Variants in EYS observed in about 807,000 individuals in gnomAD.
The protein encoded by EYS is EGF-like photoreceptor maintenance factor.
Under a neutral mutation model 282.1 loss-of-function variants are expected in EYS, and 250 were observed. That is an observed-to-expected ratio of 0.89 (90% CI 0.80 to 0.98). The LOEUF (loss-of-function observed/expected upper bound fraction) is 0.98, where lower values mean the gene tolerates loss of function less well. Ranked by LOEUF, EYS falls within the 50% of genes least tolerant of loss-of-function variation. The pLI, the probability that EYS is intolerant of heterozygous loss-of-function variation, is 0.00. For synonymous variants in EYS, 1,355 were observed against 1,282.9 expected (o/e 1.06, Z -1.20); for missense variants, 4,016 against 3,709.0 (o/e 1.08, Z -2.15).
chr6:65,519,709 T>TATATATATATATATATATA lies in EYS; in HGVS notation c.-332-23717_-332-23716insTATATATATATATATATAT, dbSNP rs1554205853. ...AACTATATATATATATATATATATA[T>TATATATATATATATATATA]TTTTTTTTTTTTTTTTTTTTTTTTG... On this transcript the variant is annotated intron_variant, in intron 2 of 42. Transcript: ENST00000503581. 6.2e-4 allele frequency among the ~76,000 whole-genome samples: 21 copies of TATATATATATATATATATA among 33,928 alleles called. 1 individual carries two copies. Among genetic ancestry groups the TATATATATATATATATATA allele is most frequent in the Admixed American group, 3.3e-3 (6 of 1,814 alleles). The allele number at this position is 33,928 out of a possible 152,430, so 22.3% of individuals were successfully genotyped here.
intron 1 of EYS, among the ~76,000 whole-genome samples, chr6:65,655,792 T>G (rs923557039): frequency 6.6e-6 from 1 of 151,792 alleles, no homozygotes; most frequent in African/African-American, 2.4e-5. Context: ...AATAACATGG[T>G]TTCTTGAGAT....
rs61753610 is a variant in EYS, at chr6:65,335,034, T to C, written c.1712A>G (p.Gln571Arg). The C allele has an allele frequency of 0.16, 264,838 of 1,611,088 alleles. 22,985 individuals carry two copies. Among genetic ancestry groups the C allele is most frequent in the Non-Finnish European group, 0.17 (205,422 of 1,178,104 alleles). ...AGCTTCATGTTGACACTCATTTTCTTGATCATCAGTTGTATTTTCCAGATA... is the reference window on the plus strand; with the variant it reads ...AGCTTCATGTTGACACTCATTTTCTCGATCATCAGTTGTATTTTCCAGATA... ...NMYLENTTDDQENECQHEAVC... is the reference protein window; with the variant it reads ...NMYLENTTDDRENECQHEAVC... Residue 571 changes from glutamine (Q) to arginine (R), a missense_variant, in exon 11 of 43, where the codon CAA becomes CGA. Coordinates refer to ENST00000503581, the MANE Select transcript of EYS (RefSeq NM_001142800.2).
intron 26 of EYS, among the ~76,000 whole-genome samples, chr6:64,541,531 C>G (rs186829310): frequency 5.9e-5 from 9 of 152,158 alleles, no homozygotes; most frequent in Non-Finnish European, 1.0e-4. Context: ...GGAATTCCTT[C>G]CTCTCTGTTT....
At chr6:64,468,978 C>T (rs568050631) in intron 26 of EYS, among the ~76,000 whole-genome samples, 1 of 152,186 alleles carries the variant, frequency 6.6e-6, no homozygotes, top group Non-Finnish European at 1.5e-5. Flanking sequence ...GTGCATGTGT[C>T]TTTTTGGTAG....
chr6:64,294,192 C>T (rs1410418154), intron 30 of EYS, among the ~76,000 whole-genome samples: 1 of 152,028 alleles, frequency 6.6e-6, no homozygotes, highest in African/African-American at 2.4e-5. Context: ...AATAACAATC[C>T]CCATCACCAA....
At chr6:64,027,340 T>A (rs1769572214) in intron 33 of EYS, among the ~76,000 whole-genome samples, 1 of 152,034 alleles carries the variant, frequency 6.6e-6, no homozygotes, top group Admixed American at 6.5e-5. Flanking sequence ...CTTAAGAAAA[T>A]ATACTCCCCT....
intron 22 of EYS, among the ~76,000 whole-genome samples, chr6:64,644,030 T>A (rs1246882533): frequency 6.6e-6 from 1 of 152,230 alleles, no homozygotes; most frequent in Non-Finnish European, 1.5e-5. Flanking sequence ...GCTTTGGAAG[T>A]GAGAATTTTA....
chr6:65,471,700 T>C (rs1426732436), intron 5 of EYS, among the ~76,000 whole-genome samples: 1 of 152,156 alleles, frequency 6.6e-6, no homozygotes, highest in African/African-American at 2.4e-5. Context: ...ACTAGTTGAC[T>C]ATTTTTTCTC....
chr6:64,126,107 G>T (rs934495919), intron 31 of EYS, among the ~76,000 whole-genome samples: 8 of 151,928 alleles, frequency 5.3e-5, no homozygotes, highest in African/African-American at 1.9e-4. Flanking sequence ...TTGTTGGTGG[G>T]ACTATAAACT....
chr6:65,527,467 T>C (rs1424768819), intron 2 of EYS, among the ~76,000 whole-genome samples: 4 of 152,280 alleles, frequency 2.6e-5, no homozygotes, highest in East Asian at 1.9e-4. Context: ...GAGCACTAAA[T>C]TGATCACACC....
chr6:65,521,699 A>G (rs1767378274), intron 2 of EYS, among the ~76,000 whole-genome samples: 1 of 152,126 alleles, frequency 6.6e-6, no homozygotes, highest in Non-Finnish European at 1.5e-5. Context: ...GGCTATATTT[A>G]AAGTATTCAT....
At chr6:63,972,698 A>C (rs575790612) in intron 35 of EYS, among the ~76,000 whole-genome samples, 1 of 151,420 alleles carries the variant, frequency 6.6e-6, no homozygotes, top group African/African-American at 2.4e-5. Flanking sequence ...TTAGCCCCCA[A>C]CCCCCTGACA....
chr6:64,061,964 CAAA>C (rs35562314), intron 33 of EYS, among the ~76,000 whole-genome samples: 1 of 123,516 alleles, frequency 8.1e-6, no homozygotes, highest in African/African-American at 2.8e-5. Context: ...GAGACTCTTT[CAAA>C]AAAAAAAAAA....
chr6:64,429,000 C>G (rs895938818), intron 28 of EYS, among the ~76,000 whole-genome samples: 3 of 151,984 alleles, frequency 2.0e-5, no homozygotes, highest in Admixed American at 6.6e-5. Flanking sequence ...CTCTTGAGGT[C>G]CAGACGACTT....
chr6:65,435,774 T>C (rs1768054990), intron 5 of EYS, among the ~76,000 whole-genome samples: 1 of 152,080 alleles, frequency 6.6e-6, no homozygotes, highest in South Asian at 2.1e-4. Flanking sequence ...GGGCCTTTAA[T>C]GATATAATTA....
chr6:64,074,573 A>G (rs1372225406), intron 32 of EYS, among the ~76,000 whole-genome samples: 1 of 151,696 alleles, frequency 6.6e-6, no homozygotes, highest in African/African-American at 2.4e-5. Context: ...TAATGCTCCC[A>G]ATATCAACAA....
At chr6:64,537,142 T>C (rs1185657990) in intron 26 of EYS, among the ~76,000 whole-genome samples, 23 of 144,458 alleles carry the variant, frequency 1.6e-4, no homozygotes, top group Non-Finnish European at 9.1e-5. Flanking sequence ...TAACTCCCAA[T>C]GCTATCCCTC....
At chr6:65,034,815 T>A (rs1772716231) in intron 13 of EYS, among the ~76,000 whole-genome samples, 1 of 152,120 alleles carries the variant, frequency 6.6e-6, no homozygotes, top group Admixed American at 6.6e-5. Context: ...CTACTGAAAC[T>A]ATTCCAAAAA....
intron 11 of EYS, among the ~76,000 whole-genome samples, chr6:65,299,698 T>G (rs2150288899): frequency 6.6e-6 from 1 of 152,086 alleles, no homozygotes; most frequent in East Asian, 1.9e-4. Flanking sequence ...TTTCCATTTC[T>G]AACTCATCCT....
Sources: gnomAD v4.1 joint callset for allele counts (sites outside exome capture counted in the v4.1 genomes callset) on GRCh38, gnomAD v4.1.1 for gene constraint, MANE v1.5 for transcripts, NCBI Gene and HGNC (gene_info 2026-07-23, HGNC 2026-07-21) for gene names.